The following GALNTL6 variants were observed in gnomAD, a reference collection of about 807,000 sequenced individuals.
GALNTL6 encodes the protein polypeptide N-acetylgalactosaminyltransferase like 6.
A neutral mutation model predicts 73.7 loss-of-function variants in GALNTL6; 46 were observed. That is an observed-to-expected ratio of 0.62 (90% confidence interval 0.49 to 0.80). The LOEUF (loss-of-function observed/expected upper bound fraction) is 0.80. Among genes scored for constraint, GALNTL6 ranks in the 30% least tolerant of loss-of-function variants. The pLI, the probability that GALNTL6 is intolerant of heterozygous loss-of-function variation, is 0.00. For missense variants in GALNTL6, 604 were observed against 755.0 expected (o/e 0.80, Z 2.34); for synonymous variants, 259 against 263.7 (o/e 0.98, Z 0.17).
rs563752786 is a variant in GALNTL6 at position 172,341,964 on chromosome 4, A to G, written c.387-6559A>G. Among the ~76,000 whole-genome samples, 10 of 152,318 alleles carry G rather than the reference A, an allele frequency of 6.6e-5. No individual in the cohort carries two copies. The East Asian group carries it at 1.9e-3, about 29-fold the overall frequency. ...CCTAGACATAATATTTGATAGAAAT[A>G]GCAAAAATCTGTATTATTATTTAAA... On this transcript the variant is annotated intron_variant, in intron 4 of 12. Transcript: ENST00000506823.
At chr4:172,497,457 G>T (rs1305791942) in intron 5 of GALNTL6, among the ~76,000 whole-genome samples, 2 of 152,162 alleles carry the variant, frequency 1.3e-5, no homozygotes, top group African/African-American at 4.8e-5. Flanking sequence ...GATTGAATGT[G>T]AAAAACAACA....
chr4:172,043,527 T>C (rs1742144076), intron 2 of GALNTL6, among the ~76,000 whole-genome samples: 1 of 152,112 alleles, frequency 6.6e-6, no homozygotes, highest in African/African-American at 2.4e-5. Flanking sequence ...TGTGCATATA[T>C]GAATACATAA....
Position 172,070,863 on chromosome 4 carries a change from G to A in GALNTL6, c.139-158793G>A, listed in dbSNP as rs188867440. Among the ~76,000 whole-genome samples the A allele has an allele frequency of 2.4e-3, 263 of 108,812 alleles. 77 individuals carry two copies. The highest frequency in any genetic ancestry group is 8.6e-3 in the African/African-American group (248 of 28,916). 71.4% of individuals were successfully genotyped at this position (108,812 alleles called of 152,430 possible). A position where few individuals can be genotyped will look rare whatever the true frequency, so the allele number is the denominator to read the frequency against. On this transcript the variant is annotated intron_variant, in intron 2 of 12. Transcript: ENST00000506823. Reference sequence around the variant, plus strand: ...AAATCATTGACTGGAAAACAAGTTTGATATATGCTTTGCTATGGTGACTAT... The same window carrying A: ...AAATCATTGACTGGAAAACAAGTTTAATATATGCTTTGCTATGGTGACTAT...
intron 5 of GALNTL6, among the ~76,000 whole-genome samples, chr4:172,401,817 G>A (rs2111325137): frequency 6.6e-6 from 1 of 151,680 alleles, no homozygotes; most frequent in African/African-American, 2.4e-5. Flanking sequence ...AAGTTTTTAT[G>A]TATTTGTCGT....
At chr4:172,907,907 A>G (rs944890435) in intron 8 of GALNTL6, among the ~76,000 whole-genome samples, 1 of 152,188 alleles carries the variant, frequency 6.6e-6, no homozygotes, top group African/African-American at 2.4e-5. Context: ...CACTTAAAGG[A>G]AGCACTTTAC....
At position 172,549,602 on chromosome 4, in the gene GALNTL6, T is replaced by TA. The variant is rs548036479; in HGVS notation, c.553+200924dup. Among the ~76,000 whole-genome samples the TA allele has an allele frequency of 2.1e-3, 305 of 148,642 alleles. 1 individual carries two copies. Among genetic ancestry groups the TA allele is most frequent in the African/African-American group, 5.8e-3 (237 of 40,756 alleles). On this transcript the variant is annotated intron_variant, in intron 5 of 12. Coordinates refer to ENST00000506823, the MANE Select transcript of GALNTL6 (RefSeq NM_001034845.3). ...TTCCTCTACCTACCACAATGCAATT[T>TA]AAAAAAAAAAATAACAAAATGTTGC... is the stretch of plus-strand genomic sequence containing the variant.
At chr4:171,875,331 G>C (rs1736246479) in intron 2 of GALNTL6, among the ~76,000 whole-genome samples, 1 of 152,160 alleles carries the variant, frequency 6.6e-6, no homozygotes, top group African/African-American at 2.4e-5. Context: ...GTTCTCTGTT[G>C]GGTTTTTATT....
rs116232465 is a variant in GALNTL6 at position 172,484,138 on chromosome 4, T to G, written c.553+135449T>G. On this transcript the variant is annotated intron_variant, in intron 5 of 12. Transcript: ENST00000506823. Reference sequence around the variant, plus strand: ...TTTTGAAACAGATTCCTTTTCATATTACTTAGCTTAATAAACACTTGTGCT... The same window carrying G: ...TTTTGAAACAGATTCCTTTTCATATGACTTAGCTTAATAAACACTTGTGCT... 8.4e-3 allele frequency among the ~76,000 whole-genome samples: 1,275 copies of G among 152,316 alleles called. 11 individuals are homozygous for G. The highest frequency in any genetic ancestry group is 0.029 in the African/African-American group (1,206 of 41,562).
chr4:172,532,454 C>T (rs1179798389), intron 5 of GALNTL6, among the ~76,000 whole-genome samples: 2 of 152,192 alleles, frequency 1.3e-5, no homozygotes, highest in Non-Finnish European at 2.9e-5. Context: ...GAGTTCTAGT[C>T]TCCAGAATTG....
chr4:172,671,889 G>A (rs189842861), intron 5 of GALNTL6, among the ~76,000 whole-genome samples: 3 of 152,078 alleles, frequency 2.0e-5, no homozygotes, highest in East Asian at 3.9e-4. Flanking sequence ...TTCTTTGCCT[G>A]TTTTTTGGTT....
chr4:172,023,260 AATATAT>A (rs147809450), intron 2 of GALNTL6, among the ~76,000 whole-genome samples: 2,506 of 150,256 alleles, frequency 0.017, 71 homozygotes, highest in African/African-American at 0.058. Context: ...GTGTATTGAA[AATATAT>A]ATATATATAT....
chr4:171,902,843 T>C (rs1416068664), intron 2 of GALNTL6, among the ~76,000 whole-genome samples: 5 of 152,190 alleles, frequency 3.3e-5, no homozygotes, highest in Non-Finnish European at 7.3e-5. Context: ...ACTTAACATA[T>C]AGTAAATATG....
intron 5 of GALNTL6, among the ~76,000 whole-genome samples, chr4:172,496,842 CT>C (rs1734086744): frequency 6.6e-6 from 1 of 152,164 alleles, no homozygotes; most frequent in African/African-American, 2.4e-5. Context: ...GGGAAAATAA[CT>C]TATTTGCACC....
At position 172,146,271 on chromosome 4, in the gene GALNTL6, C is replaced by A. The variant is rs567736169; in HGVS notation, c.139-83385C>A. Among the ~76,000 whole-genome samples the A allele has an allele frequency of 2.0e-5, 3 of 152,304 alleles. No homozygotes were observed. The East Asian group carries it at 5.8e-4, about 29-fold the overall frequency. ...TTCACCTACTCCAGGTCAATCAATT[C>A]TTTTGCGTTCTTTATGACAATAAGG... On this transcript the variant is annotated intron_variant, in intron 2 of 12. Coordinates refer to ENST00000506823, the MANE Select transcript of GALNTL6 (RefSeq NM_001034845.3).
At chr4:172,088,963 T>A (rs544778169) in intron 2 of GALNTL6, among the ~76,000 whole-genome samples, 250 of 152,246 alleles carry the variant, frequency 1.6e-3, no homozygotes, top group African/African-American at 5.9e-3. Context: ...TAGCTATGGA[T>A]AGAGAAATCA....
chr4:173,002,638 C>T (rs577239424), intron 10 of GALNTL6, among the ~76,000 whole-genome samples: 1 of 148,586 alleles, frequency 6.7e-6, no homozygotes, highest in African/African-American at 2.5e-5. Flanking sequence ...ACTAAAAATA[C>T]AAAAAAATTA....
At chr4:172,662,605 G>A (rs1731435554) in intron 5 of GALNTL6, among the ~76,000 whole-genome samples, 1 of 152,194 alleles carries the variant, frequency 6.6e-6, no homozygotes, top group African/African-American at 2.4e-5. Context: ...CTCTGAGATA[G>A]GGTGGTGATT....
intron 2 of GALNTL6, among the ~76,000 whole-genome samples, chr4:172,215,209 G>T (rs1007237104): frequency 1.3e-5 from 2 of 152,034 alleles, no homozygotes; most frequent in African/African-American, 4.8e-5. Context: ...TTTTTGAAAA[G>T]AATGTATATT....
At chr4:171,893,171 G>A (rs975503839) in intron 2 of GALNTL6, among the ~76,000 whole-genome samples, 4 of 152,196 alleles carry the variant, frequency 2.6e-5, no homozygotes, top group Non-Finnish European at 5.9e-5. Flanking sequence ...ATTCAAATGT[G>A]TTTGACTTCA....
Sources: allele counts gnomAD v4.1 joint callset (sites outside exome capture counted in the v4.1 genomes callset), GRCh38; gene constraint gnomAD v4.1.1; transcripts MANE v1.5; gene names NCBI Gene and HGNC (gene_info 2026-07-23, HGNC 2026-07-21).